The following FBXL17 variants were observed in gnomAD, a reference collection of about 807,000 sequenced individuals.
FBXL17 encodes the protein F-box/LRR-repeat protein 17.
A neutral mutation model predicts 66.2 loss-of-function variants in FBXL17; 22 were observed. The ratio of observed to expected loss-of-function variants is 0.33; its 90% confidence interval spans 0.24 to 0.47. The LOEUF (loss-of-function observed/expected upper bound fraction) is 0.47. Among genes scored for constraint, FBXL17 ranks in the 20% least tolerant of loss-of-function variants. The pLI is 1.00. For missense variants in FBXL17, 878 were observed against 948.2 expected (o/e 0.93, Z 0.97); for synonymous variants, 474 against 400.5 (o/e 1.18, Z -2.19).
At chr5:107,911,279 A>T (rs1032304929) in intron 7 of FBXL17, among the ~76,000 whole-genome samples, 3 of 152,120 alleles carry the variant, frequency 2.0e-5, no homozygotes, top group Non-Finnish European at 4.4e-5. Context: ...ATCATAGGAA[A>T]AAGGATATTG....
chr5:108,049,433 C>T (rs1174392634), intron 6 of FBXL17, among the ~76,000 whole-genome samples: 5 of 152,070 alleles, frequency 3.3e-5, no homozygotes, highest in African/African-American at 1.2e-4. Context: ...CTGGCCTATT[C>T]AACATTCTTA....
At chr5:107,872,148 AC>A (rs1748477729) in intron 8 of FBXL17, among the ~76,000 whole-genome samples, 2 of 152,198 alleles carry the variant, frequency 1.3e-5, no homozygotes, top group Non-Finnish European at 2.9e-5. Context: ...AGATTCAAAA[AC>A]CTGAAAATAG....
intron 5 of FBXL17, among the ~76,000 whole-genome samples, chr5:108,194,096 C>CA (rs1753579902): frequency 6.6e-6 from 1 of 152,076 alleles, no homozygotes; most frequent in South Asian, 2.1e-4. Flanking sequence ...ATTTCTGCTG[C>CA]AAAAAGGAAT....
chr5:108,186,879 T>C (rs907508785), intron 5 of FBXL17, among the ~76,000 whole-genome samples: 1 of 152,172 alleles, frequency 6.6e-6, no homozygotes, highest in African/African-American at 2.4e-5. Flanking sequence ...TTACATTAAG[T>C]ACCTACAATT....
At chr5:108,087,521 T>C (rs1178883588) in intron 6 of FBXL17, among the ~76,000 whole-genome samples, 1 of 152,100 alleles carries the variant, frequency 6.6e-6, no homozygotes, top group East Asian at 1.9e-4. Flanking sequence ...GCATCAAAGT[T>C]TGAATTTTAC....
chr5:108,285,744 A>G (rs1252816486), intron 4 of FBXL17, among the ~76,000 whole-genome samples: 1 of 151,766 alleles, frequency 6.6e-6, no homozygotes, highest in African/African-American at 2.4e-5. Context: ...AAACCATGCT[A>G]TAAGTGGGCC....
In FBXL17 at chr5:108,024,748, T is replaced by C. The variant is rs1055099587; in HGVS notation, c.1746-3747A>G. Among the ~76,000 whole-genome samples, 3 of 152,302 alleles carry C rather than the reference T, an allele frequency of 2.0e-5. No individual in the cohort carries two copies. In the South Asian group the frequency reaches 6.2e-4, roughly 32 times the overall value. On this transcript the variant is annotated intron_variant, in intron 6 of 8. Coordinates refer to ENST00000542267, the MANE Select transcript of FBXL17 (RefSeq NM_001163315.3). ...GTTATTTTTGATAATAATGTAATTT[T>C]ATGCTCACTTGGTTTTGATAATGTT...
intron 6 of FBXL17, among the ~76,000 whole-genome samples, chr5:108,073,325 C>T (rs1396125832): frequency 1.3e-5 from 2 of 151,898 alleles, no homozygotes; most frequent in African/African-American, 2.4e-5. Flanking sequence ...TTTATTAACA[C>T]CCTGCTTAGT....
At chr5:108,277,882 C>A (rs1474351718) in intron 4 of FBXL17, among the ~76,000 whole-genome samples, 1 of 152,132 alleles carries the variant, frequency 6.6e-6, no homozygotes, top group Non-Finnish European at 1.5e-5. Context: ...AATGTATATA[C>A]CTTAACTAAA....
At chr5:108,170,076 A>T (rs1305569916) in intron 6 of FBXL17, among the ~76,000 whole-genome samples, 3 of 152,220 alleles carry the variant, frequency 2.0e-5, no homozygotes. Context: ...ATATATTCAC[A>T]CATAGCAAAA....
chr5:108,121,110 A>G (rs888157938), intron 6 of FBXL17, among the ~76,000 whole-genome samples: 8 of 152,188 alleles, frequency 5.3e-5, no homozygotes, highest in Non-Finnish European at 1.5e-5. Context: ...TGGGCAGATC[A>G]TAAGGTCAAG....
chr5:108,236,698 A>T (rs1444372235), intron 4 of FBXL17, among the ~76,000 whole-genome samples: 1 of 152,154 alleles, frequency 6.6e-6, no homozygotes, highest in African/African-American at 2.4e-5. Context: ...AAAGAGCAAA[A>T]CAGAGACCCA....
intron 7 of FBXL17, among the ~76,000 whole-genome samples, chr5:107,987,543 G>A (rs1244559260): frequency 6.6e-6 from 1 of 152,038 alleles, no homozygotes; most frequent in African/African-American, 2.4e-5. Context: ...AAAGGCTCAA[G>A]TAGCTCAAGA....
intron 7 of FBXL17, among the ~76,000 whole-genome samples, chr5:107,929,360 G>A (rs1260519251): frequency 1.3e-5 from 2 of 151,988 alleles, no homozygotes; most frequent in Non-Finnish European, 2.9e-5. Context: ...TATTTGTTTG[G>A]CATTATTAAA....
rs938656241 is a variant in FBXL17 at position 107,861,039 on chromosome 5, G to T, written c.*681C>A. On this transcript the variant is annotated 3_prime_UTR_variant, in exon 9 of 9. Coordinates refer to ENST00000542267, the MANE Select transcript of FBXL17 (RefSeq NM_001163315.3). ...ATGTATAATTAACTTTCGTGAGCTG[G>T]CCAGGAGAGTTCAGACTGTTGCCTC... 6.6e-6 allele frequency: 1 copy of T among 152,168 alleles called. No individual in the cohort carries two copies. The highest frequency in any genetic ancestry group is 2.4e-5 in the African/African-American group (1 of 41,422). The allele number at this position is 152,168 out of a possible 1,614,324, so 9.4% of individuals were successfully genotyped here.
chr5:108,328,456 G>C (rs909753327), intron 4 of FBXL17, among the ~76,000 whole-genome samples: 5 of 151,892 alleles, frequency 3.3e-5, no homozygotes, highest in African/African-American at 1.2e-4. Context: ...ATATTCTTCT[G>C]ATAGAAAACC....
At chr5:108,097,327 G>A (rs1156470247) in intron 6 of FBXL17, among the ~76,000 whole-genome samples, 2 of 152,178 alleles carry the variant, frequency 1.3e-5, no homozygotes, top group Non-Finnish European at 2.9e-5. Flanking sequence ...GTCTCAGGTA[G>A]TATCTTTCTG....
chr5:108,375,394 C>A (rs963519005), intron 1 of FBXL17, among the ~76,000 whole-genome samples: 117 of 147,782 alleles, frequency 7.9e-4, no homozygotes, highest in African/African-American at 2.8e-3. Flanking sequence ...CACACACACA[C>A]AAAATTGGCT....
chr5:108,241,197 C>A (rs1755840697), intron 4 of FBXL17, among the ~76,000 whole-genome samples: 1 of 152,106 alleles, frequency 6.6e-6, no homozygotes, highest in South Asian at 2.1e-4. Context: ...AGATACGTGA[C>A]CTTTCAAAGA....
Sources: allele counts gnomAD v4.1 joint callset (sites outside exome capture counted in the v4.1 genomes callset), GRCh38; gene constraint gnomAD v4.1.1; transcripts MANE v1.5; gene names NCBI Gene and HGNC (gene_info 2026-07-23, HGNC 2026-07-21).